Variants in RTN4IP1 observed in about 807,000 individuals in gnomAD.
RTN4IP1 encodes the protein NAD(P)H oxidoreductase RTN4IP1, mitochondrial.
Under a neutral mutation model 46.6 loss-of-function variants are expected in RTN4IP1, and 32 were observed. That is an observed-to-expected ratio of 0.69 (90% CI 0.52 to 0.92). RTN4IP1 has a LOEUF of 0.92. Ranked by LOEUF, RTN4IP1 falls within the 40% of genes least tolerant of loss-of-function variation. The probability of loss-of-function intolerance (pLI) is 0.00; values close to 1 mark genes in which losing one functional copy is unlikely to be tolerated. For synonymous variants in RTN4IP1, 167 were observed against 161.8 expected (o/e 1.03, Z -0.24); for missense variants, 424 against 485.8 (o/e 0.87, Z 1.20).
chr6:106,625,607 G>T (rs189743954), intron 1 of RTN4IP1, among the ~76,000 whole-genome samples: 14 of 151,800 alleles, frequency 9.2e-5, no homozygotes, highest in Admixed American at 6.6e-4. Flanking sequence ...GCAGTAGCTC[G>T]AAGTGGGAAC....
chr6:106,581,049 G>A (rs1451795901), intron 8 of RTN4IP1, among the ~76,000 whole-genome samples: 2 of 151,120 alleles, frequency 1.3e-5, no homozygotes, highest in East Asian at 3.9e-4. Context: ...AGAAGAGAGA[G>A]AGAGGAAAAA....
At chr6:106,605,251 T>C (rs558101892) in intron 4 of RTN4IP1, among the ~76,000 whole-genome samples, 1 of 151,342 alleles carries the variant, frequency 6.6e-6, no homozygotes, top group Non-Finnish European at 1.5e-5. Flanking sequence ...CTGGCCAACA[T>C]AGTGAAACCC....
chr6:106,581,882 C>T (rs1437493270), intron 8 of RTN4IP1, among the ~76,000 whole-genome samples: 2 of 152,176 alleles, frequency 1.3e-5, no homozygotes, highest in Non-Finnish European at 2.9e-5. Flanking sequence ...CAATCGTGGA[C>T]TTCTAGAGGA....
At chr6:106,592,883 C>A (rs1381334408) in intron 5 of RTN4IP1, among the ~76,000 whole-genome samples, 3 of 151,444 alleles carry the variant, frequency 2.0e-5, no homozygotes, top group Admixed American at 1.3e-4. Flanking sequence ...GAGCCAAGAT[C>A]GTGCCATCGC....
chr6:106,595,116 A>C (rs72945015), intron 5 of RTN4IP1, among the ~76,000 whole-genome samples: 11,064 of 152,122 alleles, frequency 0.073, 591 homozygotes, highest in East Asian at 0.2. Context: ...GTCTCTTTTA[A>C]ATCATAGGCT....
At chr6:106,630,463 A>C (rs1256291275), upstream of RTN4IP1, among the ~76,000 whole-genome samples, 2 of 152,188 alleles carry the variant, frequency 1.3e-5, no homozygotes, top group Non-Finnish European at 2.9e-5. Context: ...AGCCCTCTTC[A>C]TTCTATCTTG....
chr6:106,621,363 T>C, intron 3 of RTN4IP1, 62 bp downstream of exon 3: 1 of 1,215,836 alleles, frequency 8.2e-7, no homozygotes, highest in Non-Finnish European at 1.2e-6. Context: ...ACCAGTTATT[T>C]CAGATATTTG....
intron 5 of RTN4IP1, among the ~76,000 whole-genome samples, chr6:106,593,406 G>T (rs1229744583): frequency 6.6e-6 from 1 of 152,146 alleles, no homozygotes. Flanking sequence ...TAATTTCATA[G>T]ACTTAAAAGG....
At chr6:106,588,106 T>A (rs1775529856) in intron 6 of RTN4IP1, among the ~76,000 whole-genome samples, 1 of 152,230 alleles carries the variant, frequency 6.6e-6, no homozygotes, top group Admixed American at 6.5e-5. Flanking sequence ...CATAAAATCA[T>A]TTCATTTTCT....
chr6:106,595,730 T>C (rs772314850), intron 5 of RTN4IP1, among the ~76,000 whole-genome samples: 61 of 152,176 alleles, frequency 4.0e-4, no homozygotes, highest in Admixed American at 1.2e-3. Context: ...ACCCTTGACC[T>C]GAGGTGATCT....
chr6:106,588,774 T>C (rs549320323), intron 6 of RTN4IP1, among the ~76,000 whole-genome samples: 9 of 152,266 alleles, frequency 5.9e-5, no homozygotes, highest in Admixed American at 3.3e-4. Context: ...TAAAACCACT[T>C]TGGCCAACTT....
intron 4 of RTN4IP1, among the ~76,000 whole-genome samples, chr6:106,616,471 G>T (rs1462662137): frequency 1.3e-5 from 2 of 150,174 alleles, no homozygotes; most frequent in Admixed American, 6.7e-5. Context: ...TGTTAATTTT[G>T]TTTTTTTTTA....
chr6:106,594,786 ATTAT>A (rs1465513576), intron 5 of RTN4IP1, among the ~76,000 whole-genome samples: 1 of 151,616 alleles, frequency 6.6e-6, no homozygotes, highest in Non-Finnish European at 1.5e-5. Flanking sequence ...CTCTTTTTTT[ATTAT>A]TTATTTTTGG....
intron 8 of RTN4IP1, among the ~76,000 whole-genome samples, chr6:106,573,474 T>C (rs188300245): frequency 1.2e-4 from 19 of 152,276 alleles, no homozygotes; most frequent in Admixed American, 1.2e-3. Context: ...GAGCTGAAAA[T>C]ACTTTTGTAC....
chr6:106,588,802 T>A (rs116567868), intron 6 of RTN4IP1, among the ~76,000 whole-genome samples: 160 of 152,180 alleles, frequency 1.1e-3, no homozygotes, highest in African/African-American at 3.7e-3. Flanking sequence ...CTTGAGTATC[T>A]TATAGAACTA....
intron 8 of RTN4IP1, among the ~76,000 whole-genome samples, chr6:106,580,385 C>G (rs1775334132): frequency 6.6e-6 from 1 of 151,890 alleles, no homozygotes; most frequent in South Asian, 2.1e-4. Context: ...ATTCCAGACA[C>G]TAAATATATA....
chr6:106,571,140 T>A lies in RTN4IP1; in HGVS notation c.*856A>T, dbSNP rs1295612450. On this transcript the variant is annotated 3_prime_UTR_variant, in exon 9 of 9. Coordinates refer to ENST00000369063, the MANE Select transcript of RTN4IP1 (RefSeq NM_032730.5). ...AAACAGGCCTAATCCTTATGCAAGATGTAAGGGTTTTAAAAAGTTAGAAAC... is the reference window on the plus strand; with the variant it reads ...AAACAGGCCTAATCCTTATGCAAGAAGTAAGGGTTTTAAAAAGTTAGAAAC... The A allele has an allele frequency of 1.3e-5, 2 of 152,150 alleles. No individual in the cohort carries two copies. Among genetic ancestry groups the A allele is most frequent in the Non-Finnish European group, 2.9e-5 (2 of 68,018 alleles). The allele number at this position is 152,150 out of a possible 1,614,324, so 9.4% of individuals were successfully genotyped here.
intron 1 of RTN4IP1, among the ~76,000 whole-genome samples, chr6:106,624,088 G>A (rs1039219688): frequency 1.9e-4 from 29 of 151,922 alleles, no homozygotes; most frequent in African/African-American, 6.0e-4. Flanking sequence ...ACAGGGTCTC[G>A]CTCTGTCATG....
chr6:106,624,129 C>T (rs1030477028), intron 1 of RTN4IP1, among the ~76,000 whole-genome samples: 6 of 152,132 alleles, frequency 3.9e-5, no homozygotes, highest in Non-Finnish European at 5.9e-5. Flanking sequence ...GATCTTGGCT[C>T]ATTGCAACCT....
Sources: gnomAD v4.1 joint callset for allele counts (sites outside exome capture counted in the v4.1 genomes callset) on GRCh38, gnomAD v4.1.1 for gene constraint, MANE v1.5 for transcripts, NCBI Gene and HGNC (gene_info 2026-07-23, HGNC 2026-07-21) for gene names.